Variants in SHC3 observed in about 807,000 individuals in gnomAD.
SHC3 encodes the protein SHC-transforming protein 3.
SHC3 carries 15 observed loss-of-function variants against 60.4 expected under a neutral mutation model. The observed-to-expected ratio is 0.25, with a 90% CI of 0.17 to 0.38. SHC3 has a LOEUF of 0.38. Ranked by LOEUF, SHC3 falls within the 10% of genes least tolerant of loss-of-function variation. The probability of loss-of-function intolerance (pLI) is 1.00; values close to 1 mark genes in which losing one functional copy is unlikely to be tolerated. For synonymous variants in SHC3, 294 were observed against 325.9 expected, an observed-to-expected ratio of 0.90 and a Z score of 1.05; for missense variants, 677 against 786.1, an observed-to-expected ratio of 0.86 and a Z score of 1.66.
intron 1 of SHC3, among the ~76,000 whole-genome samples, chr9:89,141,195 A>C (rs951474715): frequency 2.0e-5 from 3 of 152,182 alleles, no homozygotes; most frequent in African/African-American, 7.2e-5. Context: ...ATGCCATTGT[A>C]ATGGCAGAGA....
At chr9:89,070,795 C>G (rs1825257786) in intron 5 of SHC3, among the ~76,000 whole-genome samples, 1 of 152,098 alleles carries the variant, frequency 6.6e-6, no homozygotes, top group East Asian at 1.9e-4. Context: ...ATGAATAAAG[C>G]AGACTAAGAA....
chr9:89,142,673 CAAAAA>C (rs769333860), intron 1 of SHC3, among the ~76,000 whole-genome samples: 1 of 83,706 alleles, frequency 1.2e-5, no homozygotes, highest in South Asian at 4.4e-4. Context: ...GAGACTCTGT[CAAAAA>C]AAAAAAAAAA....
chr9:89,028,773 TATATAG>T (rs1824418861), intron 11 of SHC3, among the ~76,000 whole-genome samples: 1 of 146,260 alleles, frequency 6.8e-6, no homozygotes, highest in Non-Finnish European at 1.5e-5. Flanking sequence ...ATATATTCTC[TATATAG>T]ATATAGAGAG....
chr9:89,067,279 G>A (rs1158264993), intron 5 of SHC3, among the ~76,000 whole-genome samples: 3 of 152,226 alleles, frequency 2.0e-5, no homozygotes, highest in African/African-American at 7.2e-5. Context: ...TCCTTAGAGA[G>A]CATCTAAGAT....
intron 1 of SHC3, among the ~76,000 whole-genome samples, chr9:89,117,260 C>T (rs1226167850): frequency 6.6e-6 from 1 of 152,200 alleles, no homozygotes; most frequent in Admixed American, 6.5e-5. Context: ...GCAATTTGTC[C>T]TCTCATCACC....
In SHC3 at chr9:89,013,480, C is replaced by G; in HGVS notation, c.1752G>C (p.Leu584=). The change falls in exon 12 of 12, where the codon CTG becomes CTC. Residue 584 remains leucine (L), a synonymous_variant. Transcript: ENST00000375835. Reference sequence around the variant, plus strand: ...TCCTCTCCACTGGCTGCTGGAGACACAGCTCACTCCCTGCAGAGACAATGG... The same window carrying G: ...TCCTCTCCACTGGCTGCTGGAGACAGAGCTCACTCCCTGCAGAGACAATGG... ...SLPIVSAGSE[L]CLQQPVERKQ is the part of the protein sequence containing the mutation. 6.2e-7 allele frequency: 1 copy of G among 1,613,766 alleles called. No homozygotes were observed.
At chr9:89,059,706 TGGTGG>T (rs1268199831) in intron 6 of SHC3, among the ~76,000 whole-genome samples, 11 of 133,504 alleles carry the variant, frequency 8.2e-5, no homozygotes, top group Admixed American at 1.5e-4. Context: ...GTGGAGGACA[TGGTGG>T]AGGATGGTGG....
At position 89,008,490 on chromosome 9, in the gene SHC3, C is replaced by T. The variant is rs1048169267; in HGVS notation, c.*4957G>A. ...GCAAATTCCCGGGCCCCACTCCAGA[C>T]CTAGGGAGTCAGGAACTTGGCGGGG... On this transcript the variant is annotated 3_prime_UTR_variant, in exon 12 of 12. Transcript: ENST00000375835. 10 of 152,168 alleles carry T rather than the reference C, an allele frequency of 6.6e-5. No homozygotes were observed. The highest frequency in any genetic ancestry group is 1.2e-4 in the Non-Finnish European group (8 of 68,062). 9.4% of individuals were successfully genotyped at this position (152,168 alleles called of 1,614,324 possible). A position where few individuals can be genotyped will look rare whatever the true frequency, so the allele number is the denominator to read the frequency against.
chr9:89,130,717 C>T (rs893307557), intron 1 of SHC3, among the ~76,000 whole-genome samples: 8 of 152,002 alleles, frequency 5.3e-5, no homozygotes, highest in South Asian at 2.1e-4. Flanking sequence ...TTGAAGCCAA[C>T]GAGAACAAAG....
intron 1 of SHC3, among the ~76,000 whole-genome samples, chr9:89,165,130 T>C (rs928555472): frequency 3.3e-5 from 5 of 152,154 alleles, no homozygotes; most frequent in Admixed American, 1.3e-4. Flanking sequence ...GAATTATAGG[T>C]ACTAATATTG....
intron 1 of SHC3, among the ~76,000 whole-genome samples, chr9:89,148,508 A>T (rs1826502134): frequency 6.6e-6 from 1 of 152,200 alleles, no homozygotes; most frequent in African/African-American, 2.4e-5. Flanking sequence ...TTACCTGGGT[A>T]CCCATTGTTT....
At chr9:89,083,430 C>T (rs530930396) in intron 2 of SHC3, among the ~76,000 whole-genome samples, 5 of 152,258 alleles carry the variant, frequency 3.3e-5, no homozygotes, top group South Asian at 2.1e-4. Flanking sequence ...TACAGAATCC[C>T]GGGATAAGGC....
intron 2 of SHC3, among the ~76,000 whole-genome samples, chr9:89,104,541 G>A (rs2118090204): frequency 6.6e-6 from 1 of 152,350 alleles, no homozygotes; most frequent in African/African-American, 2.4e-5. Flanking sequence ...ATACAGACCA[G>A]CTCTGTGGCC....
chr9:89,020,118 A>G (rs750121959), intron 11 of SHC3, among the ~76,000 whole-genome samples: 16 of 152,156 alleles, frequency 1.1e-4, no homozygotes, highest in Non-Finnish European at 1.8e-4. Context: ...CAGCAGCTTA[A>G]TTAAAATATG....
At chr9:89,033,968 C>T (rs1824532287) in intron 11 of SHC3, among the ~76,000 whole-genome samples, 1 of 152,098 alleles carries the variant, frequency 6.6e-6, no homozygotes, top group African/African-American at 2.4e-5. Context: ...AAAGACAAGA[C>T]AGGTTTTACT....
chr9:89,014,319 C>T (rs1587673232), intron 11 of SHC3, among the ~76,000 whole-genome samples: 1 of 152,194 alleles, frequency 6.6e-6, no homozygotes, highest in Non-Finnish European at 1.5e-5. Flanking sequence ...GCCGCCTCCA[C>T]TCTGAGCCGG....
At chr9:89,050,036 T>G (rs1824837475) in intron 7 of SHC3, among the ~76,000 whole-genome samples, 1 of 152,268 alleles carries the variant, frequency 6.6e-6, no homozygotes, top group Non-Finnish European at 1.5e-5. Flanking sequence ...CTTCCCTTTT[T>G]AATAAAATTT....
intron 1 of SHC3, among the ~76,000 whole-genome samples, chr9:89,133,102 AC>A (rs1826271077): frequency 6.6e-6 from 1 of 152,252 alleles, no homozygotes; most frequent in East Asian, 1.9e-4. Flanking sequence ...TGGGCAAAGG[AC>A]ATGAACAGAC....
chr9:89,124,745 T>G (rs1249650478), intron 1 of SHC3, among the ~76,000 whole-genome samples: 1 of 151,884 alleles, frequency 6.6e-6, no homozygotes, highest in African/African-American at 2.4e-5. Flanking sequence ...ACACGGGGCT[T>G]AAAACTTAGA....
Sources: gnomAD v4.1 joint callset for allele counts (sites outside exome capture counted in the v4.1 genomes callset) on GRCh38, gnomAD v4.1.1 for gene constraint, MANE v1.5 for transcripts, NCBI Gene and HGNC (gene_info 2026-07-23, HGNC 2026-07-21) for gene names.